Variants in KCNQ5 observed in about 807,000 individuals in gnomAD.
KCNQ5 encodes the protein potassium voltage-gated channel subfamily Q member 5.
Under a neutral mutation model 98.2 loss-of-function variants are expected in KCNQ5, and 30 were observed. The ratio of observed to expected loss-of-function variants is 0.31; its 90% CI spans 0.23 to 0.41. KCNQ5 has a LOEUF of 0.41. KCNQ5 is among the 10% of genes least tolerant of loss of function. The pLI is 1.00. For synonymous variants in KCNQ5, 458 were observed against 449.4 expected (o/e 1.02, Z -0.24); for missense variants, 835 against 1,182.5 (o/e 0.71, Z 4.31).
chr6:72,696,437 A>G (rs962349254), intron 1 of KCNQ5, among the ~76,000 whole-genome samples: 1 of 152,336 alleles, frequency 6.6e-6, no homozygotes, highest in Non-Finnish European at 1.5e-5. Flanking sequence ...ATTTTTACAC[A>G]ATCTGTTTCC....
chr6:72,934,977 C>T (rs1052012706), intron 1 of KCNQ5, among the ~76,000 whole-genome samples: 3 of 151,944 alleles, frequency 2.0e-5, no homozygotes, highest in Non-Finnish European at 4.4e-5. Flanking sequence ...TTCCATGTAC[C>T]TTCACTATGA....
chr6:72,833,696 A>C lies in KCNQ5; in HGVS notation c.399-170212A>C, dbSNP rs191952244. Among the ~76,000 whole-genome samples, 298 of 152,214 alleles carry C rather than the reference A, an allele frequency of 2.0e-3. 1 individual carries two copies. Among genetic ancestry groups the C allele is most frequent in the African/African-American group, 6.7e-3 (279 of 41,554 alleles). On this transcript the variant is annotated intron_variant, in intron 1 of 13. Coordinates refer to ENST00000370398, the MANE Select transcript of KCNQ5 (RefSeq NM_019842.4). ...TTGATTTCTAAAATGTTTTCACTGGAATTAAGTTAATGTTTAAATTAAATA... is the reference window on the plus strand; with the variant it reads ...TTGATTTCTAAAATGTTTTCACTGGCATTAAGTTAATGTTTAAATTAAATA...
intron 11 of KCNQ5, among the ~76,000 whole-genome samples, chr6:73,185,691 A>G (rs1778546274): frequency 6.6e-6 from 1 of 152,210 alleles, no homozygotes; most frequent in Admixed American, 6.5e-5. Flanking sequence ...AAACAGCCAT[A>G]TAGGATGTGC....
intron 3 of KCNQ5, among the ~76,000 whole-genome samples, chr6:73,061,442 T>C (rs1484676257): frequency 6.6e-6 from 1 of 152,212 alleles, no homozygotes; most frequent in Non-Finnish European, 1.5e-5. Flanking sequence ...GTTTAGATGT[T>C]GACTATTATT....
rs1011944300 is a variant in KCNQ5, at chr6:72,813,737, T to C, written c.399-190171T>C. 7.2e-5 allele frequency among the ~76,000 whole-genome samples: 11 copies of C among 152,226 alleles called. 1 individual carries two copies. The highest frequency in any genetic ancestry group is 3.9e-4 in the Admixed American group (6 of 15,282). ...TATGGCCAAAGCACATTCTCTCATA[T>C]ACTTTAAATCATCTGTAGATTACTT... On this transcript the variant is annotated intron_variant, in intron 1 of 13. Transcript: ENST00000370398.
intron 1 of KCNQ5, among the ~76,000 whole-genome samples, chr6:72,708,087 C>T: frequency 6.6e-6 from 1 of 152,206 alleles, no homozygotes; most frequent in East Asian, 1.9e-4. Flanking sequence ...GCTCTCTTTA[C>T]TCTTCCTAGA....
intron 1 of KCNQ5, among the ~76,000 whole-genome samples, chr6:72,665,079 G>A (rs760342624): frequency 1.2e-4 from 19 of 152,148 alleles, no homozygotes; most frequent in Non-Finnish European, 2.4e-4. Flanking sequence ...TGGGTGTGGT[G>A]TCTCACGCCT....
chr6:72,750,794 G>T (rs181035825), intron 1 of KCNQ5, among the ~76,000 whole-genome samples: 1 of 151,990 alleles, frequency 6.6e-6, no homozygotes, highest in East Asian at 1.9e-4. Flanking sequence ...AGCTACAATG[G>T]TACTAACAGG....
At chr6:72,638,577 A>G (rs2098925476) in intron 1 of KCNQ5, among the ~76,000 whole-genome samples, 1 of 152,184 alleles carries the variant, frequency 6.6e-6, no homozygotes, top group Non-Finnish European at 1.5e-5. Context: ...TCATAATTTA[A>G]AATTGTCATC....
intron 10 of KCNQ5, among the ~76,000 whole-genome samples, chr6:73,148,903 A>G (rs910061093): frequency 6.6e-6 from 1 of 152,212 alleles, no homozygotes; most frequent in African/African-American, 2.4e-5. Context: ...CTAGGGAAGC[A>G]CTGAGAAGGG....
intron 6 of KCNQ5, among the ~76,000 whole-genome samples, chr6:73,110,897 C>T (rs1775217824): frequency 6.6e-6 from 1 of 152,132 alleles, no homozygotes; most frequent in Non-Finnish European, 1.5e-5. Context: ...AGCTCTGTCC[C>T]AAGTTGAAAT....
chr6:72,751,507 C>T (rs1382268809), intron 1 of KCNQ5, among the ~76,000 whole-genome samples: 1 of 151,996 alleles, frequency 6.6e-6, no homozygotes, highest in Non-Finnish European at 1.5e-5. Context: ...TAAATATACA[C>T]ATTTACAATA....
At chr6:72,880,257 C>G (rs10805969) in intron 1 of KCNQ5, among the ~76,000 whole-genome samples, 1 of 151,990 alleles carries the variant, frequency 6.6e-6, no homozygotes. Context: ...GTTTTAAACT[C>G]TGGGAAGTTC....
chr6:72,732,465 A>G (rs1487508590), intron 1 of KCNQ5, among the ~76,000 whole-genome samples: 1 of 152,212 alleles, frequency 6.6e-6, no homozygotes, highest in East Asian at 1.9e-4. Flanking sequence ...CTTGCCCAGC[A>G]AGAACAGAGT....
chr6:72,764,510 G>A (rs755818492), intron 1 of KCNQ5, among the ~76,000 whole-genome samples: 2 of 151,578 alleles, frequency 1.3e-5, no homozygotes, highest in African/African-American at 2.4e-5. Context: ...ATATATTTAC[G>A]GGGTACATGA....
At chr6:72,749,134 A>G (rs569275042) in intron 1 of KCNQ5, among the ~76,000 whole-genome samples, 62 of 152,258 alleles carry the variant, frequency 4.1e-4, no homozygotes, top group African/African-American at 1.2e-3. Context: ...CATTGCCATG[A>G]TAGAACCTTA....
At chr6:73,137,267 A>C (rs538092006) in intron 10 of KCNQ5, among the ~76,000 whole-genome samples, 2 of 152,306 alleles carry the variant, frequency 1.3e-5, no homozygotes, top group African/African-American at 4.8e-5. Context: ...TAAGATTAAT[A>C]TGTTACACTT....
chr6:73,000,508 C>T (rs577241751), intron 1 of KCNQ5, among the ~76,000 whole-genome samples: 7 of 152,094 alleles, frequency 4.6e-5, no homozygotes, highest in Admixed American at 1.3e-4. Context: ...AATTTATAGC[C>T]GAGATTTAAA....
intron 10 of KCNQ5, among the ~76,000 whole-genome samples, chr6:73,149,814 G>C (rs1777077713): frequency 6.8e-6 from 1 of 146,684 alleles, no homozygotes; most frequent in Non-Finnish European, 1.5e-5. Flanking sequence ...AAAAGAGAGA[G>C]AGAGAGAGAG....
Sources: allele counts gnomAD v4.1 joint callset (sites outside exome capture counted in the v4.1 genomes callset), GRCh38; gene constraint gnomAD v4.1.1; transcripts MANE v1.5; gene names NCBI Gene and HGNC (gene_info 2026-07-23, HGNC 2026-07-21).